The following COL8A1 variants were observed in gnomAD, a reference collection of about 807,000 sequenced individuals.
COL8A1 encodes the protein collagen alpha-1(VIII) chain.
A neutral mutation model predicts 42.7 loss-of-function variants in COL8A1; 21 were observed. The ratio of observed to expected loss-of-function variants is 0.49; its 90% CI spans 0.35 to 0.71. The LOEUF (loss-of-function observed/expected upper bound fraction) is 0.71, where lower values mean the gene tolerates loss of function less well. Among genes scored for constraint, COL8A1 ranks in the 30% least tolerant of loss-of-function variants. The probability of loss-of-function intolerance (pLI) is 0.01; values close to 1 mark genes in which losing one functional copy is unlikely to be tolerated. For missense variants in COL8A1, 788 were observed against 962.4 expected (o/e 0.82, Z 2.40); for synonymous variants, 367 against 369.1 (o/e 0.99, Z 0.06).
intron 2 of COL8A1, among the ~76,000 whole-genome samples, chr3:99,773,817 A>G (rs574876902): frequency 1.2e-3 from 58 of 49,694 alleles, no homozygotes; most frequent in East Asian, 6.1e-3. Flanking sequence ...ATATGTGTGT[A>G]TATATATATA....
chr3:99,745,832 GA>G (rs141514291), intron 2 of COL8A1, among the ~76,000 whole-genome samples: 45,666 of 144,026 alleles, frequency 0.32, 7,149 homozygotes, highest in South Asian at 0.4. Flanking sequence ...AACCTTGATG[GA>G]AAAAAAAAAA....
At chr3:99,677,141 A>G (rs192394567) in intron 1 of COL8A1, among the ~76,000 whole-genome samples, 13 of 151,672 alleles carry the variant, frequency 8.6e-5, no homozygotes, top group African/African-American at 2.4e-4. Context: ...AAACACATCA[A>G]TTACATATAT....
At chr3:99,759,517 A>G (rs1488996191) in intron 2 of COL8A1, among the ~76,000 whole-genome samples, 1 of 152,208 alleles carries the variant, frequency 6.6e-6, no homozygotes, top group Non-Finnish European at 1.5e-5. Flanking sequence ...TAGATTTTTC[A>G]TTCTATGATT....
At chr3:99,671,381 G>A (rs1938539078) in intron 1 of COL8A1, among the ~76,000 whole-genome samples, 1 of 151,878 alleles carries the variant, frequency 6.6e-6, no homozygotes, top group African/African-American at 2.4e-5. Context: ...ACATATATTT[G>A]TGGTTTCCAA....
chr3:99,679,836 T>A (rs1157182235), intron 1 of COL8A1: 3 of 152,210 alleles, frequency 2.0e-5, no homozygotes, highest in African/African-American at 7.2e-5. Flanking sequence ...ATTAACAAGA[T>A]TAATTACTGT....
intron 1 of COL8A1, among the ~76,000 whole-genome samples, chr3:99,736,817 A>C (rs2107394097): frequency 6.6e-6 from 1 of 151,684 alleles, no homozygotes; most frequent in East Asian, 1.9e-4. Context: ...GATCTGTCTA[A>C]TGTTGACAGT....
At chr3:99,780,511 T>G (rs1178233823) in intron 2 of COL8A1, among the ~76,000 whole-genome samples, 1 of 152,186 alleles carries the variant, frequency 6.6e-6, no homozygotes, top group Non-Finnish European at 1.5e-5. Flanking sequence ...TACAAGGATA[T>G]CATGATAGAG....
rs367857878 is a variant in COL8A1, at chr3:99,794,193, C to T, written c.329-37C>T. ...AATCTACTAATCAATCTCTCTCTCTCCCCCCATACCCCTTCTCTCTCTTCT... is the reference window on the plus strand; with the variant it reads ...AATCTACTAATCAATCTCTCTCTCTTCCCCCATACCCCTTCTCTCTCTTCT... On this transcript the variant is annotated intron_variant, in intron 3 of 3. Transcript: ENST00000652472. This position sits in a 1 kb window ranked among gnomAD's most constrained non-coding sequence, Gnocchi z 4.3. The T allele has an allele frequency of 4.8e-5, 65 of 1,347,212 alleles. No homozygotes were observed. Among genetic ancestry groups the T allele is most frequent in the Middle Eastern group, 1.9e-4 (1 of 5,282 alleles). The allele number at this position is 1,347,212 out of a possible 1,614,324, so 83.5% of individuals were successfully genotyped here.
intron 2 of COL8A1, among the ~76,000 whole-genome samples, chr3:99,750,982 A>C (rs1181359317): frequency 6.6e-6 from 1 of 152,212 alleles, no homozygotes; most frequent in African/African-American, 2.4e-5. Flanking sequence ...AGGTGGAAAT[A>C]CATAAACACA....
intron 2 of COL8A1, among the ~76,000 whole-genome samples, chr3:99,786,407 C>T (rs1197161303): frequency 1.3e-5 from 2 of 152,146 alleles, no homozygotes; most frequent in Non-Finnish European, 2.9e-5. Context: ...AGAGAGCTCC[C>T]TTGCCCCTTT....
chr3:99,676,457 A>G (rs1009995065), intron 1 of COL8A1, among the ~76,000 whole-genome samples: 6 of 152,148 alleles, frequency 3.9e-5, no homozygotes, highest in South Asian at 2.1e-4. Context: ...AAATCAATCA[A>G]TGTAATTTAC....
intron 1 of COL8A1, among the ~76,000 whole-genome samples, chr3:99,680,865 C>A (rs1007035206): frequency 2.0e-5 from 3 of 152,010 alleles, no homozygotes; most frequent in Non-Finnish European, 4.4e-5. Flanking sequence ...CTCTGACAAA[C>A]CTTACAGAAA....
intron 2 of COL8A1, among the ~76,000 whole-genome samples, chr3:99,785,961 G>A (rs1253922800): frequency 6.6e-6 from 1 of 152,036 alleles, no homozygotes; most frequent in Admixed American, 6.6e-5. Flanking sequence ...TATCTTCCAG[G>A]AAAAAAGAAT....
chr3:99,740,198 A>C (rs1940859605), intron 1 of COL8A1, among the ~76,000 whole-genome samples: 3 of 152,150 alleles, frequency 2.0e-5, no homozygotes. Flanking sequence ...GTCTCTAGGA[A>C]GTTCCAAGCT....
chr3:99,727,874 G>A (rs1044457797), intron 1 of COL8A1, among the ~76,000 whole-genome samples: 3 of 151,806 alleles, frequency 2.0e-5, no homozygotes, highest in Non-Finnish European at 4.4e-5. Flanking sequence ...CATATAAACA[G>A]AACCAAAGAA....
At chr3:99,706,738 C>A (rs770304140) in intron 1 of COL8A1, among the ~76,000 whole-genome samples, 3 of 152,204 alleles carry the variant, frequency 2.0e-5, no homozygotes, top group Non-Finnish European at 4.4e-5. Context: ...ATAATTAACT[C>A]AGCTCTGTCC....
rs957604166 is a variant in COL8A1, at chr3:99,739,920, T to A, written c.-128-4977T>A. On this transcript the variant is annotated intron_variant, in intron 1 of 3. Transcript: ENST00000652472. ...TTCTATCGCATCATCAAGCTGCAAA[T>A]TTTCCAAATCTTTATCCTCTGCTTC... 3.3e-5 allele frequency among the ~76,000 whole-genome samples: 5 copies of A among 152,266 alleles called. No individual in the cohort carries two copies. In the East Asian group the frequency reaches 9.6e-4, roughly 29 times the overall value.
At chr3:99,665,874 A>G (rs1028048239) in intron 1 of COL8A1, among the ~76,000 whole-genome samples, 1 of 148,086 alleles carries the variant, frequency 6.8e-6, no homozygotes, top group Non-Finnish European at 1.5e-5. Flanking sequence ...TTTACTTAGT[A>G]GAGATGGGGT....
At chr3:99,686,457 T>C (rs199543609) in intron 1 of COL8A1, among the ~76,000 whole-genome samples, 1 of 151,212 alleles carries the variant, frequency 6.6e-6, no homozygotes, top group Non-Finnish European at 1.5e-5. Flanking sequence ...GGGGAGAGGG[T>C]CTTATGAAAA....
Sources: gnomAD v4.1 joint callset for allele counts (sites outside exome capture counted in the v4.1 genomes callset) on GRCh38, gnomAD v4.1.1 for gene constraint, Gnocchi (gnomAD v3.1) non-coding constraint, MANE v1.5 for transcripts, NCBI Gene and HGNC (gene_info 2026-07-23, HGNC 2026-07-21) for gene names.